The following CA2 variants were observed in gnomAD, a reference collection of about 807,000 sequenced individuals.
CA2 encodes the protein carbonate dehydratase II.
In CA2, 23 loss-of-function variants were observed where a neutral mutation model predicts 27.8. The ratio of observed to expected loss-of-function variants is 0.83; its 90% CI spans 0.59 to 1.17. The LOEUF (loss-of-function observed/expected upper bound fraction) is 1.17, where lower values mean the gene tolerates loss of function less well. CA2 is among the 50% of genes most tolerant of loss of function. CA2 has a pLI of 0.00. For missense variants in CA2, 300 were observed against 314.7 expected (o/e 0.95, Z 0.35); for synonymous variants, 99 against 114.9 (o/e 0.86, Z 0.88).
chr8:85,472,158 T>C (rs945845214), intron 2 of CA2, among the ~76,000 whole-genome samples: 4 of 152,206 alleles, frequency 2.6e-5, no homozygotes, highest in African/African-American at 9.6e-5. Flanking sequence ...GTGAAGCTCA[T>C]GAACAAATCT....
chr8:85,475,156 A>T (rs1811773599), intron 4 of CA2, among the ~76,000 whole-genome samples: 1 of 152,098 alleles, frequency 6.6e-6, no homozygotes, highest in Non-Finnish European at 1.5e-5. Context: ...AAATTTTTTT[A>T]AAAATTAGCT....
intron 6 of CA2, 67 bp from the exon 7 acceptor site, chr8:85,480,603 T>C (rs1811874614): frequency 6.6e-7 from 1 of 1,509,786 alleles, no homozygotes; most frequent in Admixed American, 1.7e-5. Context: ...TTTAAAGATA[T>C]AACACAAGTA....
intron 6 of CA2, 117 bp from the exon 7 acceptor site, chr8:85,480,553 G>A: frequency 5.0e-6 from 5 of 993,968 alleles, no homozygotes; most frequent in Non-Finnish European, 6.2e-6. Context: ...AAAGTGCTGG[G>A]ATTACAGGCA....
chr8:85,475,798 GT>G lies in CA2; in HGVS notation c.447del (p.Gly150AlafsTer48), dbSNP rs1563435058. The G allele has an allele frequency of 6.2e-7, 1 of 1,613,762 alleles. No individual in the cohort carries two copies. Among genetic ancestry groups the G allele is most frequent in the African/African-American group, 1.3e-5 (1 of 74,990 alleles). On this transcript the variant is annotated frameshift_variant and splice_region_variant, in exon 5 of 7. Transcript: ENST00000285379. LOFTEE classifies it high-confidence loss of function. ...TCTTGCCCTTTATGTTTTTCTTTAG[GT>G]TGGCAGCGCTAAACCGGGCCTTCAG... Reference protein sequence around the residue: ...GLAVLGIFLKVGSAKPGLQKV... With the variant: ...GLAVLGIFLKXGSAKPGLQKV...
At chr8:85,465,241 A>G (rs1333429936) in intron 1 of CA2, 31 bp from the exon 2 acceptor site, 4 of 1,559,482 alleles carry the variant, frequency 2.6e-6, no homozygotes, top group Non-Finnish European at 2.7e-6. Flanking sequence ...TTTCCCCACA[A>G]TGGGGGATTC....
chr8:85,476,666 T>C (rs1052095945), intron 5 of CA2, among the ~76,000 whole-genome samples: 3 of 152,196 alleles, frequency 2.0e-5, no homozygotes, highest in African/African-American at 7.2e-5. Context: ...CATTCCTGTT[T>C]GCTTGAAAAG....
intron 6 of CA2, among the ~76,000 whole-genome samples, chr8:85,477,753 G>T (rs1325598256): frequency 6.6e-6 from 1 of 152,142 alleles, no homozygotes; most frequent in Non-Finnish European, 1.5e-5. Flanking sequence ...ACTCACTCCA[G>T]GTTGCTTTAG....
At chr8:85,473,394 G>T (rs1377010253) in intron 2 of CA2, 1 of 505,470 alleles carries the variant, frequency 2.0e-6, no homozygotes, top group Admixed American at 2.3e-5. Context: ...CCCAGAAAAA[G>T]GAATCAGTAT....
In CA2 at chr8:85,473,722, T is replaced by C. The variant is rs1192734544; in HGVS notation, c.262T>C (p.Tyr88His). The change falls in exon 3 of 7, where the codon TAC becomes CAC. Residue 88 changes from tyrosine (Y) to histidine (H), a missense_variant. Physicochemically the swap from Tyr to His is moderately conservative, Grantham distance 83. Coordinates refer to ENST00000285379, the MANE Select transcript of CA2 (RefSeq NM_000067.3). ...VLKGGPLDGT[Y>H]RLIQFHFHWG... ...CAAGGGAGGACCCCTGGATGGCACT[T>C]ACAGATTGATTCAGTTTCACTTTCA... 6.2e-7 allele frequency: 1 copy of C among 1,610,040 alleles called. No individual in the cohort carries two copies. Among genetic ancestry groups the C allele is most frequent in the Admixed American group, 1.7e-5 (1 of 60,022 alleles).
chr8:85,473,780 A>G lies in CA2; in HGVS notation c.320A>G (p.His107Arg). 3 of 1,602,532 alleles carry G rather than the reference A, an allele frequency of 1.9e-6. No individual in the cohort carries two copies. Among genetic ancestry groups the G allele is most frequent in the African/African-American group, 1.3e-5 (1 of 74,838 alleles). ...WGSLDGQGSE[H>R]TVDKKKYAAE... is the part of the protein sequence containing the mutation. ...TCACTTGATGGACAAGGTTCAGAGC[A>G]TACTGTGGATAAAAAGAAATATGCT... The change falls in exon 3 of 7, where the codon CAT (histidine) becomes CGT (arginine). Residue 107 changes from histidine to arginine, a missense_variant. His to Arg is a conservative substitution (Grantham distance 29). Coordinates refer to ENST00000285379, the MANE Select transcript of CA2 (RefSeq NM_000067.3).
intron 1 of CA2, chr8:85,464,605 A>T (rs1811593185): frequency 7.0e-6 from 1 of 143,374 alleles, no homozygotes; most frequent in African/African-American, 2.6e-5. Flanking sequence ...GCTCAGCACG[A>T]ACTGTCCCGG....
At chr8:85,469,825 G>T (rs1811688875) in intron 2 of CA2, among the ~76,000 whole-genome samples, 1 of 152,086 alleles carries the variant, frequency 6.6e-6, no homozygotes, top group Non-Finnish European at 1.5e-5. Context: ...CAAGAAAAGA[G>T]TAAAGGAAGC....
chr8:85,465,235 C>G, intron 1 of CA2, 37 bp from the exon 2 acceptor site: 1 of 1,556,636 alleles, frequency 6.4e-7, no homozygotes, highest in Non-Finnish European at 8.9e-7. Flanking sequence ...TGTACCTTTC[C>G]CCACAATGGG....
In CA2 at chr8:85,473,822, C is replaced by T; in HGVS notation, c.351+11C>T. On this transcript the variant is annotated intron_variant, in intron 3 of 6. Transcript: ENST00000285379. ...AAATATGCTGCAGAAGTAAGATATA[C>T]TTTTTTTTTTCTTTCCAGGGAAAAA... The T allele has an allele frequency of 2.3e-6, 3 of 1,292,318 alleles. No individual in the cohort carries two copies. Among genetic ancestry groups the T allele is most frequent in the East Asian group, 2.4e-5 (1 of 40,890 alleles). The allele number at this position is 1,292,318 out of a possible 1,614,324, so 80.1% of individuals were successfully genotyped here. A position where few individuals can be genotyped will look rare whatever the true frequency, so the allele number is the denominator to read the frequency against.
intron 2 of CA2, 78 bp downstream of exon 2, chr8:85,465,547 G>A: frequency 8.9e-7 from 1 of 1,125,628 alleles, no homozygotes; most frequent in Non-Finnish European, 1.3e-6. Context: ...CAGGAACAGT[G>A]GCAGGAACCC....
chr8:85,466,634 C>A (rs182322866), intron 2 of CA2, among the ~76,000 whole-genome samples: 1 of 151,224 alleles, frequency 6.6e-6, no homozygotes, highest in South Asian at 2.1e-4. Flanking sequence ...CCTACCTGTG[C>A]CTGTCTGTGT....
rs1811880530 is a variant in CA2, at chr8:85,480,828, G to T, written c.*39G>T. The T allele has an allele frequency of 6.2e-7, 1 of 1,610,560 alleles. No homozygotes were observed. The highest frequency in any genetic ancestry group is 1.1e-5 in the South Asian group (1 of 90,972). On this transcript the variant is annotated 3_prime_UTR_variant, in exon 7 of 7. Transcript: ENST00000285379. The stretch of plus-strand genomic sequence containing the variant: ...TCTGTATCCAAATAATGAATCTTCG[G>T]GTGTTTCCCTTTAGCTAAGCACAGA...
intron 5 of CA2, among the ~76,000 whole-genome samples, chr8:85,476,629 C>T (rs1268528864): frequency 2.0e-5 from 3 of 152,150 alleles, no homozygotes; most frequent in Admixed American, 6.5e-5. Flanking sequence ...CTCTCTTTGC[C>T]ACCACCTTGT....
chr8:85,479,100 T>C (rs1169772185), intron 6 of CA2, among the ~76,000 whole-genome samples: 2 of 146,412 alleles, frequency 1.4e-5, no homozygotes, highest in Non-Finnish European at 3.0e-5. Context: ...TGTCTGTTAA[T>C]GAGGAAGTAT....
Sources: gnomAD v4.1 joint callset for allele counts (sites outside exome capture counted in the v4.1 genomes callset) on GRCh38, gnomAD v4.1.1 for gene constraint, MANE v1.5 for transcripts, NCBI Gene and HGNC (gene_info 2026-07-23, HGNC 2026-07-21) for gene names.